Variants in CYP51A1 observed in about 807,000 individuals in gnomAD.
CYP51A1 encodes cytochrome P450 family 51 subfamily A member 1.
In CYP51A1, 45 loss-of-function variants were observed where a neutral mutation model predicts 53.5. That is an observed-to-expected ratio of 0.84 (90% CI 0.66 to 1.08). The LOEUF (loss-of-function observed/expected upper bound fraction) is 1.08. CYP51A1 is among the 50% of genes least tolerant of loss of function. The pLI, the probability that CYP51A1 is intolerant of heterozygous loss-of-function variation, is 0.00. For synonymous variants in CYP51A1, 181 were observed against 217.7 expected, an observed-to-expected ratio of 0.83 and a Z score of 1.48; for missense variants, 462 against 621.7, an observed-to-expected ratio of 0.74 and a Z score of 2.73.
chr7:92,123,732 A>C lies in CYP51A1; in HGVS notation c.890+2T>G. The C allele has an allele frequency of 6.2e-7, 1 of 1,602,252 alleles. No homozygotes were observed. The highest frequency in any genetic ancestry group is 2.2e-5 in the East Asian group (1 of 44,698). ...TTAATATGTTATCTGAATAGCTCTT[A>C]CTTGTATGTAGCATCTAGTAAAGTT... On this transcript the variant is annotated splice_donor_variant, in intron 6 of 9. Transcript: ENST00000003100. LOFTEE classifies it high-confidence loss of function.
chr7:92,131,985 A>C (rs1445861144), intron 1 of CYP51A1, 113 bp from the exon 2 acceptor site: 3 of 551,318 alleles, frequency 5.4e-6, no homozygotes, highest in Admixed American at 4.0e-5. Context: ...TTCAAAAAAA[A>C]GTTACCAAAA....
chr7:92,120,649 T>C (rs1229385682), intron 7 of CYP51A1, among the ~76,000 whole-genome samples: 2 of 152,246 alleles, frequency 1.3e-5, no homozygotes, highest in Middle Eastern at 3.4e-3. Flanking sequence ...ACAAACAGTG[T>C]GGGACAACTG....
intron 8 of CYP51A1, among the ~76,000 whole-genome samples, chr7:92,117,833 A>G (rs962053073): frequency 1.3e-5 from 2 of 151,966 alleles, no homozygotes; most frequent in Non-Finnish European, 2.9e-5. Flanking sequence ...ACTAAAATAC[A>G]AAAAATTAGC....
intron 9 of CYP51A1, among the ~76,000 whole-genome samples, chr7:92,114,128 G>A (rs1048350544): frequency 6.6e-6 from 1 of 151,986 alleles, no homozygotes; most frequent in Non-Finnish European, 1.5e-5. Context: ...ATCATAAGAT[G>A]GTAATCTAGT....
chr7:92,123,982 G>A, intron 5 of CYP51A1, 129 bp from the exon 6 acceptor site: 1 of 674,628 alleles, frequency 1.5e-6, no homozygotes, highest in Non-Finnish European at 2.3e-6. Context: ...TAAAATAATT[G>A]ACAAAAAAAT....
chr7:92,134,560 CT>C (rs1234347496), upstream of CYP51A1: 2 of 592,804 alleles, frequency 3.4e-6, no homozygotes, highest in Admixed American at 3.2e-5. Context: ...GGCCACGCCC[CT>C]TAAATAACAC....
At chr7:92,133,627 T>C (rs1371783733) in intron 1 of CYP51A1, among the ~76,000 whole-genome samples, 1 of 151,958 alleles carries the variant, frequency 6.6e-6, no homozygotes, top group East Asian at 1.9e-4. Context: ...GTCACTACCA[T>C]TACCACACTC....
At chr7:92,113,904 G>A (rs998400564) in intron 9 of CYP51A1, 61 bp from the exon 10 acceptor site, 6 of 1,143,828 alleles carry the variant, frequency 5.2e-6, no homozygotes, top group South Asian at 4.6e-5. Flanking sequence ...TTTTAGCCTG[G>A]GGTGATATTA....
intron 1 of CYP51A1, among the ~76,000 whole-genome samples, chr7:92,133,051 AT>A (rs1386761426): frequency 6.6e-6 from 1 of 152,170 alleles, no homozygotes; most frequent in African/African-American, 2.4e-5. Context: ...TAGGAAAAAA[AT>A]AAATAAATAA....
In CYP51A1 at chr7:92,134,428, G is replaced by A; in HGVS notation, c.-64C>T. 2.7e-6 allele frequency: 4 copies of A among 1,463,306 alleles called. No homozygotes were observed. Among genetic ancestry groups the A allele is most frequent in the Non-Finnish European group, 2.7e-6 (3 of 1,095,378 alleles). The allele number at this position is 1,463,306 out of a possible 1,614,324, so 90.6% of individuals were successfully genotyped here. A position where few individuals can be genotyped will look rare whatever the true frequency, so the allele number is the denominator to read the frequency against. ...GCTCCTCCCAATCGACGGAACGAGAGAAGCTGGCAGATGGTCGTCCACAGG... is the reference window on the plus strand; with the variant it reads ...GCTCCTCCCAATCGACGGAACGAGAAAAGCTGGCAGATGGTCGTCCACAGG... On this transcript the variant is annotated 5_prime_UTR_variant, in exon 1 of 10. Transcript: ENST00000003100.
intron 3 of CYP51A1, 44 bp downstream of exon 3, chr7:92,128,836 T>G: frequency 6.7e-7 from 1 of 1,485,676 alleles, no homozygotes; most frequent in Non-Finnish European, 9.3e-7. Flanking sequence ...CTATAACTAC[T>G]GAGGTATAGA....
chr7:92,114,432 CAGAGTGGTACTAGGTAAGGAT>C (rs1178567218), intron 9 of CYP51A1, among the ~76,000 whole-genome samples: 1 of 152,068 alleles, frequency 6.6e-6, no homozygotes, highest in African/African-American at 2.4e-5. Context: ...AAAGATAAAA[CAGAGTGGTACTAGGTAAGGAT>C]CAACAAATAG....
In CYP51A1 at chr7:92,131,822, T is replaced by C; in HGVS notation, c.243A>G (p.Ile81Met). Residue 81 changes from isoleucine to methionine, a missense_variant, in exon 2 of 10, where the codon ATA becomes ATG. By Grantham distance (10) the Ile-to-Met change is conservative (BLOSUM62 1). Transcript: ENST00000003100. ...FSPIPFLGHA[I>M]AFGKSPIEFL... ...ATTCAATTGGACTTTTCCCAAATGC[T>C]ATGGCATGCCCAAGGAATGGAATTG... 6.3e-7 allele frequency: 1 copy of C among 1,598,798 alleles called. No homozygotes were observed. Among genetic ancestry groups the C allele is most frequent in the Non-Finnish European group, 8.6e-7 (1 of 1,168,818 alleles).
At chr7:92,125,291 G>A (rs952280882) in intron 5 of CYP51A1, among the ~76,000 whole-genome samples, 1 of 151,966 alleles carries the variant, frequency 6.6e-6, no homozygotes, top group Non-Finnish European at 1.5e-5. Context: ...GAGTTCCAGA[G>A]AACTTTAGGG....
intron 5 of CYP51A1, 49 bp from the exon 6 acceptor site, chr7:92,123,902 C>A (rs376027325): frequency 6.9e-7 from 1 of 1,457,434 alleles, no homozygotes; most frequent in African/African-American, 1.5e-5. Flanking sequence ...AAATAACCTT[C>A]TAGGATCAAA....
At chr7:92,128,362 C>T (rs751656727) in intron 3 of CYP51A1, among the ~76,000 whole-genome samples, 38 of 150,922 alleles carry the variant, frequency 2.5e-4, no homozygotes, top group Non-Finnish European at 4.9e-4. Flanking sequence ...TCTCATGATT[C>T]TTCAGACTTT....
chr7:92,121,061 G>A (rs1000539717), intron 7 of CYP51A1, among the ~76,000 whole-genome samples: 1 of 152,008 alleles, frequency 6.6e-6, no homozygotes, highest in African/African-American at 2.4e-5. Context: ...AGGCCAAGGC[G>A]GGCAGATGAC....
At position 92,126,246 on chromosome 7, in the gene CYP51A1, T is replaced by A; in HGVS notation, c.770+7A>T. On this transcript the variant is annotated splice_region_variant and intron_variant, in intron 5 of 9. Coordinates refer to ENST00000003100, the MANE Select transcript of CYP51A1 (RefSeq NM_000786.4). ...ATAACCTAGTGTAATATATTCTTTATCCATACCTGAAACTAGGCAAAGGCA... is the reference window on the plus strand; with the variant it reads ...ATAACCTAGTGTAATATATTCTTTAACCATACCTGAAACTAGGCAAAGGCA... 2 of 1,592,086 alleles carry A rather than the reference T, an allele frequency of 1.3e-6. No homozygotes were observed. The highest frequency in any genetic ancestry group is 1.7e-6 in the Non-Finnish European group (2 of 1,171,570).
chr7:92,112,248 G>GTAAT lies in CYP51A1; in HGVS notation c.*1413_*1416dup, dbSNP rs528139567. The GTAAT allele has an allele frequency of 2.6e-5, 4 of 152,214 alleles. No homozygotes were observed. Among genetic ancestry groups the GTAAT allele is most frequent in the African/African-American group, 9.6e-5 (4 of 41,558 alleles). The allele number at this position is 152,214 out of a possible 1,614,324, so 9.4% of individuals were successfully genotyped here. A position where few individuals can be genotyped will look rare whatever the true frequency, so the allele number is the denominator to read the frequency against. ...GTCTTCCAGTGTTTTAAAAAGAACT[G>GTAAT]TAATATACATAAAGCAAAATATTTT... On this transcript the variant is annotated 3_prime_UTR_variant, in exon 10 of 10. Transcript: ENST00000003100.
Sources: gnomAD v4.1 joint callset for allele counts (sites outside exome capture counted in the v4.1 genomes callset) on GRCh38, gnomAD v4.1.1 for gene constraint, MANE v1.5 for transcripts, NCBI Gene and HGNC (gene_info 2026-07-23, HGNC 2026-07-21) for gene names.